TMEM217: variants seen among roughly 807,000 people sequenced by gnomAD.
TMEM217 encodes transmembrane protein 217, also known as chromosome 6 open reading frame 128.
For synonymous variants in TMEM217, 76 were observed against 88.3 expected (o/e 0.86, Z 0.78); for missense variants, 204 against 248.8 (o/e 0.82, Z 1.21).
intron 1 of TMEM217, among the ~76,000 whole-genome samples, chr6:37,234,102 CTTTTTTT>C (rs70977637): frequency 3.1e-5 from 4 of 127,784 alleles, no homozygotes; most frequent in Non-Finnish European, 3.4e-5. Flanking sequence ...TATTAAATGC[CTTTTTTT>C]TTTTTTTTTT....
At chr6:37,225,136 G>A (rs1479643606) in intron 1 of TMEM217, among the ~76,000 whole-genome samples, 1 of 151,844 alleles carries the variant, frequency 6.6e-6, no homozygotes, top group Non-Finnish European at 1.5e-5. Flanking sequence ...GGAGGCAGAG[G>A]TTGCAGTGAG....
intron 1 of TMEM217, among the ~76,000 whole-genome samples, chr6:37,221,515 A>T (rs944849735): frequency 6.6e-5 from 10 of 152,276 alleles, no homozygotes; most frequent in African/African-American, 2.2e-4. Flanking sequence ...AGCATTTGTG[A>T]CTGGCTTATT....
chr6:37,230,655 C>T (rs1476817239), intron 1 of TMEM217, among the ~76,000 whole-genome samples: 1 of 152,164 alleles, frequency 6.6e-6, no homozygotes, highest in Non-Finnish European at 1.5e-5. Context: ...CCCAACGCTA[C>T]TGACACCTTG....
chr6:37,217,527 G>T, downstream of TMEM217: 2 of 616,616 alleles, frequency 3.2e-6, no homozygotes, highest in Non-Finnish European at 4.1e-6. Flanking sequence ...ACAGAGTACA[G>T]CACAGCAACA....
chr6:37,215,570 C>CAAAAAAAAAAAAAAAAAAAAAA (rs34808595), downstream of TMEM217, among the ~76,000 whole-genome samples: 5 of 72,368 alleles, frequency 6.9e-5, no homozygotes, highest in African/African-American at 1.8e-4. Flanking sequence ...GACTCTGTCT[C>CAAAAAAAAAAAAAAAAAAAAAA]AAAAAAAAAA....
intron 1 of TMEM217, among the ~76,000 whole-genome samples, chr6:37,245,671 A>C (rs936191186): frequency 2.0e-5 from 3 of 152,202 alleles, no homozygotes; most frequent in African/African-American, 7.2e-5. Context: ...ACAGAACAAC[A>C]GTGACAATAA....
At chr6:37,220,914 T>C (rs1219195486) in intron 1 of TMEM217, among the ~76,000 whole-genome samples, 1 of 152,092 alleles carries the variant, frequency 6.6e-6, no homozygotes, top group Non-Finnish European at 1.5e-5. Context: ...TTTATTATAG[T>C]ATAATTCATG....
intron 1 of TMEM217, among the ~76,000 whole-genome samples, chr6:37,244,408 G>A: frequency 6.6e-6 from 1 of 152,214 alleles, no homozygotes; most frequent in South Asian, 2.1e-4. Context: ...CTTCTATTGT[G>A]TCTAAAGCAC....
At chr6:37,235,062 A>AT (rs1764417786) in intron 1 of TMEM217, among the ~76,000 whole-genome samples, 1 of 152,222 alleles carries the variant, frequency 6.6e-6, no homozygotes, top group Non-Finnish European at 1.5e-5. Context: ...TAACTGCAAA[A>AT]TGGTTAAAGC....
intron 1 of TMEM217, among the ~76,000 whole-genome samples, chr6:37,229,585 A>G (rs1055635550): frequency 2.6e-5 from 4 of 151,290 alleles, no homozygotes; most frequent in Non-Finnish European, 4.4e-5. Context: ...CTCGTGATCC[A>G]CCCGCCTCCG....
exon 2 of TMEM217, chr6:37,218,062 G>C (rs1015540100): frequency 1.6e-5 from 16 of 1,003,590 alleles, no homozygotes; most frequent in Admixed American, 1.1e-4. Context: ...AAGCAAAAGT[G>C]GGGGGAAAAA....
At position 37,235,327 on chromosome 6, in the gene TMEM217, C is replaced by T. The variant is rs184373345; in HGVS notation, c.-11-16286G>A. ...TTTATGCTGCTATAACAGAACACCACAGACTGGGTAATATATAAAGAATAC... is the reference window on the plus strand; with the variant it reads ...TTTATGCTGCTATAACAGAACACCATAGACTGGGTAATATATAAAGAATAC... On this transcript the variant is annotated intron_variant, in intron 1 of 1. Transcript: ENST00000357219. 4.8e-3 allele frequency among the ~76,000 whole-genome samples: 732 copies of T among 152,238 alleles called. 7 individuals are homozygous for T. Among genetic ancestry groups the T allele is most frequent in the Non-Finnish European group, 8.1e-3 (552 of 68,008 alleles).
intron 1 of TMEM217, among the ~76,000 whole-genome samples, chr6:37,235,793 T>C (rs940512347): frequency 6.6e-6 from 1 of 152,154 alleles, no homozygotes; most frequent in Non-Finnish European, 1.5e-5. Context: ...GGGAGGAAAG[T>C]AGAAGGGCAA....
At chr6:37,247,621 C>T (rs540715198) in intron 1 of TMEM217, among the ~76,000 whole-genome samples, 21 of 152,132 alleles carry the variant, frequency 1.4e-4, no homozygotes, top group African/African-American at 4.3e-4. Flanking sequence ...CTCCTGACCT[C>T]GTGATTCACC....
exon 2 of TMEM217, chr6:37,218,024 C>T (rs1016117021): frequency 4.4e-5 from 44 of 992,904 alleles, no homozygotes; most frequent in Non-Finnish European, 5.1e-5. Context: ...GAAAGAGTGG[C>T]AGTAGGGTCT....
intron 1 of TMEM217, among the ~76,000 whole-genome samples, chr6:37,248,848 A>T (rs1213854306): frequency 6.6e-6 from 1 of 152,198 alleles, no homozygotes; most frequent in Non-Finnish European, 1.5e-5. Flanking sequence ...AGTGGCATAA[A>T]ACAATAGAAA....
At chr6:37,251,492 T>C (rs1376209083) in intron 1 of TMEM217, among the ~76,000 whole-genome samples, 2 of 152,256 alleles carry the variant, frequency 1.3e-5, no homozygotes, top group Non-Finnish European at 2.9e-5. Context: ...GGGAACGATA[T>C]ATTGCAGTTA....
At chr6:37,250,288 G>C (rs766699440) in intron 1 of TMEM217, among the ~76,000 whole-genome samples, 10 of 152,152 alleles carry the variant, frequency 6.6e-5, no homozygotes, top group Non-Finnish European at 1.0e-4. Context: ...CCATAGGAAG[G>C]GACCCCTAAG....
chr6:37,226,510 G>C (rs1415927047), intron 1 of TMEM217, among the ~76,000 whole-genome samples: 1 of 151,186 alleles, frequency 6.6e-6, no homozygotes, highest in Non-Finnish European at 1.5e-5. Flanking sequence ...TGTTAGCCAG[G>C]ATGGTCTCGA....
Sources: gnomAD v4.1 joint callset for allele counts (sites outside exome capture counted in the v4.1 genomes callset) on GRCh38, gnomAD v4.1.1 for gene constraint, MANE v1.5 for transcripts, NCBI Gene and HGNC (gene_info 2026-07-23, HGNC 2026-07-21) for gene names.